SYNE1: variants seen among roughly 807,000 people sequenced by gnomAD.
SYNE1 encodes the protein nesprin-1.
In SYNE1, 616 loss-of-function variants were observed where a neutral mutation model predicts 1,111.0. The observed-to-expected ratio is 0.55, with a 90% confidence interval of 0.52 to 0.59. The LOEUF (loss-of-function observed/expected upper bound fraction) is 0.59. Ranked by LOEUF, SYNE1 falls within the 20% of genes least tolerant of loss-of-function variation. The pLI is 0.00. For synonymous variants in SYNE1, 3,855 were observed against 3,825.8 expected, an observed-to-expected ratio of 1.01 and a Z score of -0.28; for missense variants, 10,006 against 10,417.0, an observed-to-expected ratio of 0.96 and a Z score of 1.72.
Position 152,149,672 on chromosome 6 carries a change from G to GCTA in SYNE1, c.24451-5_24451-4insTAG, listed in dbSNP as rs1453903090. 1 of 1,613,344 alleles carries GCTA rather than the reference G, an allele frequency of 6.2e-7. No individual in the cohort carries two copies. Among genetic ancestry groups the GCTA allele is most frequent in the Admixed American group, 1.7e-5 (1 of 59,974 alleles). ...GTGAAATTTCCTGCTGGAAGGCCTA[G>GCTA]GGAGTACAAATCTCATGTGATTTTG... On this transcript the variant is annotated splice_region_variant and splice_polypyrimidine_tract_variant and intron_variant, in intron 135 of 145. Coordinates refer to ENST00000367255, the MANE Select transcript of SYNE1 (RefSeq NM_182961.4).
chr6:152,230,300 C>A (rs937430210), intron 115 of SYNE1, among the ~76,000 whole-genome samples: 3 of 152,174 alleles, frequency 2.0e-5, no homozygotes, highest in African/African-American at 7.2e-5. Context: ...GGGTTCATAG[C>A]ATTTCTCTCT....
chr6:152,367,425 A>T, intron 61 of SYNE1, 43 bp from the exon 62 acceptor site: 1 of 1,610,106 alleles, frequency 6.2e-7, no homozygotes, highest in Non-Finnish European at 8.5e-7. Context: ...CATCCCACAG[A>T]GACAAACTGC....
At chr6:152,414,224 C>A (rs767907223) in intron 41 of SYNE1, among the ~76,000 whole-genome samples, 26 of 151,666 alleles carry the variant, frequency 1.7e-4, no homozygotes, top group Non-Finnish European at 3.2e-4. Flanking sequence ...GGCAACAGAG[C>A]AAGACCCTAT....
intron 51 of SYNE1, among the ~76,000 whole-genome samples, chr6:152,393,038 CT>C (rs562297248): frequency 3.2e-4 from 49 of 152,294 alleles, no homozygotes; most frequent in Non-Finnish European, 6.3e-4. Flanking sequence ...TTAGGATTGT[CT>C]GCAGAAGTGG....
intron 106 of SYNE1, 79 bp from the exon 107 acceptor site, chr6:152,242,519 C>A (rs1416418785): frequency 1.3e-6 from 2 of 1,536,622 alleles, no homozygotes; most frequent in African/African-American, 1.4e-5. Context: ...TATGAACGCA[C>A]CAAGCCCGAG....
At chr6:152,553,282 G>T (rs2099354042) in intron 3 of SYNE1, among the ~76,000 whole-genome samples, 1 of 152,106 alleles carries the variant, frequency 6.6e-6, no homozygotes, top group Non-Finnish European at 1.5e-5. Context: ...CGTCCAAATT[G>T]CCCATTGGGG....
At chr6:152,443,940 C>G (rs1325579697) in intron 30 of SYNE1, among the ~76,000 whole-genome samples, 1 of 152,112 alleles carries the variant, frequency 6.6e-6, no homozygotes, top group African/African-American at 2.4e-5. Context: ...AGAGTGTACA[C>G]TCCAGGAAGG....
intron 108 of SYNE1, 66 bp from the exon 109 acceptor site, chr6:152,237,014 G>A (rs1332284206): frequency 5.7e-6 from 9 of 1,590,384 alleles, no homozygotes; most frequent in Non-Finnish European, 7.7e-6. Flanking sequence ...TCTTCCTTGG[G>A]TGCAAAATAC....
rs1443183644 is a variant in SYNE1, at chr6:152,200,517, C to T, written c.23145+1307G>A. Reference sequence around the variant, plus strand: ...TTCCTAAGTGATCCTCCTGCCTCAGCCTCCCCAGTAGCTAGGACTACAGGC... The same window carrying T: ...TTCCTAAGTGATCCTCCTGCCTCAGTCTCCCCAGTAGCTAGGACTACAGGC... On this transcript the variant is annotated intron_variant, in intron 127 of 145. Transcript: ENST00000367255. 1.3e-5 allele frequency among the ~76,000 whole-genome samples: 2 copies of T among 152,140 alleles called. 1 individual carries two copies. The highest frequency in any genetic ancestry group is 2.9e-5 in the Non-Finnish European group (2 of 68,030).
chr6:152,592,190 G>T (rs921974118), intron 3 of SYNE1, among the ~76,000 whole-genome samples: 1 of 151,246 alleles, frequency 6.6e-6, no homozygotes, highest in Non-Finnish European at 1.5e-5. Flanking sequence ...GTATATACTG[G>T]GTATTTTTTG....
At chr6:152,422,094 G>A (rs960394088) in intron 39 of SYNE1, among the ~76,000 whole-genome samples, 1 of 152,176 alleles carries the variant, frequency 6.6e-6, no homozygotes, top group Non-Finnish European at 1.5e-5. Flanking sequence ...AACAACCTAT[G>A]TGCCTGTTGA....
intron 3 of SYNE1, among the ~76,000 whole-genome samples, chr6:152,551,573 A>C (rs1270897799): frequency 1.3e-5 from 2 of 152,224 alleles, no homozygotes; most frequent in Non-Finnish European, 2.9e-5. Context: ...ATCACAGTCC[A>C]AGTTTTGTAA....
At chr6:152,445,031 C>A (rs1169787442) in intron 29 of SYNE1, among the ~76,000 whole-genome samples, 2 of 152,006 alleles carry the variant, frequency 1.3e-5, no homozygotes, top group African/African-American at 4.8e-5. Context: ...CATTAAATTT[C>A]ATAATCATTT....
At chr6:152,319,435 A>G (rs1340721479) in intron 84 of SYNE1, among the ~76,000 whole-genome samples, 1 of 152,228 alleles carries the variant, frequency 6.6e-6, no homozygotes, top group African/African-American at 2.4e-5. Context: ...TTTGTTTCCA[A>G]GCACCTTTTA....
chr6:152,220,816 G>C, intron 119 of SYNE1, 26 bp downstream of exon 119: 1 of 1,607,940 alleles, frequency 6.2e-7, no homozygotes, highest in Non-Finnish European at 8.5e-7. Flanking sequence ...GGCATGTGGG[G>C]AAAACAAGGT....
intron 58 of SYNE1, among the ~76,000 whole-genome samples, chr6:152,374,446 G>A (rs1253524855): frequency 2.0e-5 from 3 of 152,196 alleles, no homozygotes; most frequent in African/African-American, 7.2e-5. Context: ...ATGCTGTGGT[G>A]GGAGGGTCAG....
At chr6:152,607,916 A>G (rs1300265435) in intron 3 of SYNE1, among the ~76,000 whole-genome samples, 1 of 152,216 alleles carries the variant, frequency 6.6e-6, no homozygotes, top group Non-Finnish European at 1.5e-5. Flanking sequence ...CATCATCCTC[A>G]GCAAACTAAC....
intron 2 of SYNE1, among the ~76,000 whole-genome samples, chr6:152,632,225 T>C (rs2099699067): frequency 6.6e-6 from 1 of 152,184 alleles, no homozygotes; most frequent in Admixed American, 6.5e-5. Context: ...AGGCCCCCGA[T>C]ATATATTTTT....
At chr6:152,248,697 G>A (rs1285321291) in intron 105 of SYNE1, among the ~76,000 whole-genome samples, 1 of 151,968 alleles carries the variant, frequency 6.6e-6, no homozygotes, top group African/African-American at 2.4e-5. Context: ...TTTTCTTGCT[G>A]TCCTCTTTAC....
Sources: gnomAD v4.1 joint callset for allele counts (sites outside exome capture counted in the v4.1 genomes callset) on GRCh38, gnomAD v4.1.1 for gene constraint, MANE v1.5 for transcripts, NCBI Gene and HGNC (gene_info 2026-07-23, HGNC 2026-07-21) for gene names.